Variants in DOCK7 observed in about 807,000 individuals in gnomAD.
The protein encoded by DOCK7 is dedicator of cytokinesis protein 7.
In DOCK7, 138 loss-of-function variants were observed where a neutral mutation model predicts 271.0. The ratio of observed to expected loss-of-function variants is 0.51; its 90% CI spans 0.44 to 0.59. The LOEUF is 0.59. Ranked by LOEUF, DOCK7 falls within the 20% of genes least tolerant of loss-of-function variation. The probability of loss-of-function intolerance (pLI) is 0.00; values close to 1 mark genes in which losing one functional copy is unlikely to be tolerated. For missense variants in DOCK7, 2,066 were observed against 2,592.4 expected, an observed-to-expected ratio of 0.80 and a Z score of 4.41; for synonymous variants, 823 against 876.1, an observed-to-expected ratio of 0.94 and a Z score of 1.07.
chr1:62,577,630 C>T (rs964711496), intron 17 of DOCK7, among the ~76,000 whole-genome samples: 1 of 151,944 alleles, frequency 6.6e-6, no homozygotes, highest in Non-Finnish European at 1.5e-5. Flanking sequence ...AAAAGTTGGT[C>T]TTAGAAAAAA....
At position 62,589,406 on chromosome 1, in the gene DOCK7, G is replaced by GT. The variant is rs1489010790; in HGVS notation, c.1683-2783dup. Among the ~76,000 whole-genome samples, 5 of 152,120 alleles carry GT rather than the reference G, an allele frequency of 3.3e-5. No individual in the cohort carries two copies. The East Asian group carries it at 7.7e-4, about 24-fold the overall frequency. ...CAAATGAAAAAAACAATGCAAGCTGGTTTTTGATTCAATCATAGTGGTCTG... is the reference window on the plus strand; with the variant it reads ...CAAATGAAAAAAACAATGCAAGCTGGTTTTTTGATTCAATCATAGTGGTCTG... On this transcript the variant is annotated intron_variant, in intron 14 of 49. Transcript: ENST00000635253.
At chr1:62,652,020 A>G (rs1657445106) in intron 4 of DOCK7, among the ~76,000 whole-genome samples, 1 of 152,170 alleles carries the variant, frequency 6.6e-6, no homozygotes, top group African/African-American at 2.4e-5. Flanking sequence ...TCTTCCTCCA[A>G]GATGTGCTCA....
At chr1:62,547,844 T>A (rs1258771051) in intron 22 of DOCK7, among the ~76,000 whole-genome samples, 1 of 152,174 alleles carries the variant, frequency 6.6e-6, no homozygotes, top group Admixed American at 6.5e-5. Context: ...TCAGGTTATA[T>A]AAATATTCTT....
chr1:62,565,931 A>G (rs962145083), intron 18 of DOCK7, among the ~76,000 whole-genome samples: 4 of 152,232 alleles, frequency 2.6e-5, no homozygotes, highest in African/African-American at 9.6e-5. Flanking sequence ...GAGCCAAATC[A>G]TGAGTGAACT....
intron 1 of DOCK7, among the ~76,000 whole-genome samples, chr1:62,681,422 T>C (rs1333793421): frequency 1.4e-5 from 2 of 146,830 alleles, no homozygotes; most frequent in African/African-American, 5.0e-5. Flanking sequence ...CATTAGGAGA[T>C]ATACCTACTG....
chr1:62,685,189 C>A (rs767679689), intron 1 of DOCK7, among the ~76,000 whole-genome samples: 1 of 152,132 alleles, frequency 6.6e-6, no homozygotes, highest in Non-Finnish European at 1.5e-5. Context: ...AACAACCCTA[C>A]GAGGTTAAGT....
Position 62,687,005 on chromosome 1 carries a change from C to G in DOCK7, c.38+1222G>C, listed in dbSNP as rs528088598. Among the ~76,000 whole-genome samples the G allele has an allele frequency of 2.0e-5, 3 of 152,214 alleles. No homozygotes were observed. In the South Asian group the frequency reaches 6.2e-4, roughly 32 times the overall value. ...ATGTTGCCCAGGCTGGTCTTGAACT[C>G]CTGGCCTCAAGCGATCCTCCTGCCT... On this transcript the variant is annotated intron_variant, in intron 1 of 49. Transcript: ENST00000635253.
intron 14 of DOCK7, among the ~76,000 whole-genome samples, chr1:62,591,082 A>T (rs1382601795): frequency 6.6e-6 from 1 of 152,204 alleles, no homozygotes; most frequent in African/African-American, 2.4e-5. Context: ...AAAGACATGG[A>T]ATCAACCTAA....
intron 37 of DOCK7, among the ~76,000 whole-genome samples, chr1:62,497,522 CT>C (rs1467819834): frequency 5.9e-5 from 9 of 152,158 alleles, no homozygotes; most frequent in African/African-American, 2.2e-4. Flanking sequence ...GGGGTCACCC[CT>C]ACTCATCCTC....
At chr1:62,457,915 C>T in intron 48 of DOCK7, 1 of 478,502 alleles carries the variant, frequency 2.1e-6, no homozygotes, top group Non-Finnish European at 3.7e-6. Flanking sequence ...TTTGGGAGGT[C>T]AAGGCAGGTG....
At chr1:62,534,649 A>AATCAC (rs1313885512) in intron 29 of DOCK7, among the ~76,000 whole-genome samples, 1 of 152,044 alleles carries the variant, frequency 6.6e-6, no homozygotes, top group African/African-American at 2.4e-5. Context: ...AACAAACAAA[A>AATCAC]ATCACATCAT....
intron 48 of DOCK7, among the ~76,000 whole-genome samples, chr1:62,469,385 T>A (rs1414267825): frequency 1.3e-5 from 2 of 152,218 alleles, no homozygotes; most frequent in Admixed American, 1.3e-4. Context: ...AGAATGAAAC[T>A]GGATCCTCAT....
intron 18 of DOCK7, among the ~76,000 whole-genome samples, chr1:62,575,711 C>T (rs995432699): frequency 3.9e-5 from 6 of 152,088 alleles, no homozygotes; most frequent in African/African-American, 2.4e-5. Context: ...GGCTCTTAAT[C>T]AGGTGGCTTA....
intron 18 of DOCK7, among the ~76,000 whole-genome samples, chr1:62,576,658 CACTG>C (rs1296397353): frequency 1.3e-5 from 2 of 152,284 alleles, no homozygotes; most frequent in African/African-American, 4.8e-5. Flanking sequence ...CATTAAGAGA[CACTG>C]ACAACCATTG....
At chr1:62,671,968 A>C (rs1332909786) in intron 1 of DOCK7, among the ~76,000 whole-genome samples, 1 of 30,792 alleles carries the variant, frequency 3.2e-5, no homozygotes, top group African/African-American at 5.6e-5. Flanking sequence ...AATGAAGACA[A>C]AAAAAAAAAA....
At chr1:62,608,497 C>T (rs948020126) in intron 14 of DOCK7, 6 of 152,170 alleles carry the variant, frequency 3.9e-5, no homozygotes, top group African/African-American at 1.4e-4. Flanking sequence ...TAAATGGCAG[C>T]TTGTTCATCT....
rs1019481961 is a variant in DOCK7 at position 62,642,379 on chromosome 1, T to G, written c.818+5312A>C. ...TCGGCCTCCCAAAGTGCTGGGATTA[T>G]AGGCGTGAGCCACCGTGCCTGGCCT... On this transcript the variant is annotated intron_variant, in intron 7 of 49. Coordinates refer to ENST00000635253, the MANE Select transcript of DOCK7 (RefSeq NM_001367561.1). Among the ~76,000 whole-genome samples, 6 of 152,040 alleles carry G rather than the reference T, an allele frequency of 3.9e-5. No homozygotes were observed. The East Asian group carries it at 1.2e-3, about 29-fold the overall frequency.
chr1:62,622,341 T>C (rs891257140), intron 12 of DOCK7, among the ~76,000 whole-genome samples: 1 of 152,182 alleles, frequency 6.6e-6, no homozygotes, highest in African/African-American at 2.4e-5. Flanking sequence ...CTGAAAAAAA[T>C]AGATAACATA....
chr1:62,603,374 GTTAT>G (rs963920380), intron 14 of DOCK7, among the ~76,000 whole-genome samples: 3 of 151,590 alleles, frequency 2.0e-5, no homozygotes, highest in Non-Finnish European at 4.4e-5. Context: ...ATTTATATTT[GTTAT>G]TTGTTTTTAA....
Sources: gnomAD v4.1 joint callset for allele counts (sites outside exome capture counted in the v4.1 genomes callset) on GRCh38, gnomAD v4.1.1 for gene constraint, MANE v1.5 for transcripts, NCBI Gene and HGNC (gene_info 2026-07-23, HGNC 2026-07-21) for gene names.